TLE3: variants seen among roughly 807,000 people sequenced by gnomAD.
TLE3 encodes transducin-like enhancer protein 3.
In TLE3, 14 loss-of-function variants were observed where a neutral mutation model predicts 93.0. The ratio of observed to expected loss-of-function variants is 0.15; its 90% CI spans 0.10 to 0.24. The LOEUF is 0.24. Among genes scored for constraint, TLE3 ranks in the 10% least tolerant of loss-of-function variants. The pLI, the probability that TLE3 is intolerant of heterozygous loss-of-function variation, is 1.00. For missense variants in TLE3, 693 were observed against 1,046.6 expected, an observed-to-expected ratio of 0.66 and a Z score of 4.66; for synonymous variants, 451 against 425.0, an observed-to-expected ratio of 1.06 and a Z score of -0.75.
intron 8 of TLE3, among the ~76,000 whole-genome samples, chr15:70,062,948 A>T: frequency 6.6e-6 from 1 of 152,148 alleles, no homozygotes; most frequent in Non-Finnish European, 1.5e-5. Context: ...GGGGTCTTTT[A>T]GCAGAAAACT....
chr15:70,088,916 A>G lies in TLE3; in HGVS notation c.234+5616T>C, dbSNP rs548738061. 4.7e-4 allele frequency among the ~76,000 whole-genome samples: 66 copies of G among 141,230 alleles called. No individual in the cohort carries two copies. In the East Asian group the frequency reaches 0.015, roughly 32 times the overall value. 92.7% of individuals were successfully genotyped at this position (141,230 alleles called of 152,430 possible). On this transcript the variant is annotated intron_variant, in intron 4 of 19. Transcript: ENST00000451782. ...CCCCCACCCCGCGGCAGATGGACTC[A>G]GGCCAGCCCTGGAGAGCCAGCCATG... is the stretch of plus-strand genomic sequence containing the variant.
At chr15:70,070,133 C>A (rs758276319) in intron 6 of TLE3, among the ~76,000 whole-genome samples, 3 of 152,200 alleles carry the variant, frequency 2.0e-5, no homozygotes, top group Non-Finnish European at 4.4e-5. Context: ...CCCAAAGAGG[C>A]GCTAGGAGCC....
intron 12 of TLE3, chr15:70,057,927 C>G: frequency 1.3e-6 from 1 of 759,562 alleles, no homozygotes; most frequent in Non-Finnish European, 2.1e-6. Flanking sequence ...GGGGTGGGAA[C>G]AGATTTTGGG....
intron 4 of TLE3, 94 bp downstream of exon 4, chr15:70,094,438 G>A (rs928211812): frequency 2.1e-6 from 2 of 962,460 alleles, no homozygotes; most frequent in East Asian, 2.6e-5. Context: ...AATCGAAGAA[G>A]CAGGCTCACT....
At chr15:70,088,891 C>T (rs2058163445) in intron 4 of TLE3, among the ~76,000 whole-genome samples, 1 of 151,854 alleles carries the variant, frequency 6.6e-6, no homozygotes, top group African/African-American at 2.4e-5. Flanking sequence ...CCCGCCCCCA[C>T]CCCCACCCCG....
intron 3 of TLE3, chr15:70,095,345 C>T (rs1481718538): frequency 1.3e-5 from 19 of 1,427,210 alleles, no homozygotes; most frequent in East Asian, 2.6e-5. Context: ...CAGAAGTCTC[C>T]GGCCTGGAAT....
At chr15:70,074,201 C>A (rs1250514210) in intron 6 of TLE3, among the ~76,000 whole-genome samples, 1 of 152,238 alleles carries the variant, frequency 6.6e-6, no homozygotes, top group African/African-American at 2.4e-5. Context: ...CAGGTACTGG[C>A]CAGCTGGCCT....
chr15:70,061,923 G>A (rs1407557480), intron 8 of TLE3, among the ~76,000 whole-genome samples: 1 of 152,224 alleles, frequency 6.6e-6, no homozygotes, highest in Non-Finnish European at 1.5e-5. Context: ...CAGAAGAGAA[G>A]AGCATCAGAA....
chr15:70,096,044 G>A, intron 2 of TLE3, 117 bp downstream of exon 2: 2 of 1,200,324 alleles, frequency 1.7e-6, no homozygotes, highest in South Asian at 3.0e-5. Flanking sequence ...GCGGAGGCCC[G>A]GGCTGCCCCG....
chr15:70,051,576 C>T (rs142808712), intron 18 of TLE3, 109 bp from the exon 19 acceptor site: 1 of 721,150 alleles, frequency 1.4e-6, no homozygotes, highest in East Asian at 5.0e-5. Context: ...GAACTGCTAA[C>T]TAGTATAACT....
At chr15:70,053,475 C>A in intron 16 of TLE3, 101 bp from the exon 17 acceptor site, 3 of 1,378,116 alleles carry the variant, frequency 2.2e-6, no homozygotes, top group Non-Finnish European at 2.9e-6. Flanking sequence ...AAACTGAGGC[C>A]CAGAAGAGTG....
chr15:70,056,259 C>T (rs552486017), intron 14 of TLE3, 39 bp downstream of exon 14: 6 of 1,604,826 alleles, frequency 3.7e-6, no homozygotes, highest in Non-Finnish European at 5.1e-6. Context: ...CTCTCCTGCC[C>T]ACCCTACAAA....
chr15:70,097,064 G>A lies in TLE3; in HGVS notation c.-266C>T, dbSNP rs1389323445. 10 of 495,072 alleles carry A rather than the reference G, an allele frequency of 2.0e-5. No individual in the cohort carries two copies. The African/African-American group carries it at 2.1e-4, about 10-fold the overall frequency. The allele number at this position is 495,072 out of a possible 1,614,324, so 30.7% of individuals were successfully genotyped here. On this transcript the variant is annotated 5_prime_UTR_variant, in exon 1 of 20. Transcript: ENST00000451782. ...CGCGGGCTTTGTGCGCCTAGGGCTC[G>A]GCGGGCAGCGGCCGGCCGCCTTCCC...
chr15:70,077,113 TAGAA>T (rs1246678959), intron 4 of TLE3, among the ~76,000 whole-genome samples: 1 of 152,202 alleles, frequency 6.6e-6, no homozygotes. Context: ...AAGTCAATCT[TAGAA>T]AGGTAGATCA....
chr15:70,055,646 C>T lies in TLE3; in HGVS notation c.1329-348G>A, dbSNP rs543061830. On this transcript the variant is annotated intron_variant, in intron 14 of 19. Transcript: ENST00000451782. ...GAAATGCCACCTCTTGCTTTAGGAGCCGGTGGTATTAGGGAAGGGATCTGC... is the reference window on the plus strand; with the variant it reads ...GAAATGCCACCTCTTGCTTTAGGAGTCGGTGGTATTAGGGAAGGGATCTGC... 4 of 247,252 alleles carry T rather than the reference C, an allele frequency of 1.6e-5. No homozygotes were observed. In the South Asian group the frequency reaches 4.8e-4, roughly 30 times the overall value. The allele number at this position is 247,252 out of a possible 1,614,324, so 15.3% of individuals were successfully genotyped here.
intron 4 of TLE3, among the ~76,000 whole-genome samples, chr15:70,090,489 T>C (rs1334346186): frequency 6.6e-6 from 1 of 152,158 alleles, no homozygotes; most frequent in African/African-American, 2.4e-5. Flanking sequence ...TGTAACCTCA[T>C]TGCCTGGTAG....
In TLE3 at chr15:70,050,105, T is replaced by C. The variant is rs762068057; in HGVS notation, c.2302A>G (p.Ile768Val). 10 of 1,613,520 alleles carry C rather than the reference T, an allele frequency of 6.2e-6. No individual in the cohort carries two copies. The highest frequency in any genetic ancestry group is 3.3e-5 in the Admixed American group (2 of 60,012). The change falls in exon 20 of 20, where the codon ATC becomes GTC. Residue 768 changes from isoleucine to valine, a missense_variant. Around this residue, in one of 4 missense-constraint regions of TLE3, gnomAD observed 153 missense variants for 379.9 expected, o/e 0.40. Transcript: ENST00000451782. ...GDKKATVYEV[I>V]Y ...CCTGCTGGAGTTCTTGTTTAGTAGA[T>C]GACCTCATAAACTGTGGCCTTCTTG... is the stretch of plus-strand genomic sequence containing the variant.
intron 14 of TLE3, chr15:70,055,951 C>A (rs2055982341): frequency 4.9e-6 from 2 of 409,140 alleles, no homozygotes; most frequent in Non-Finnish European, 9.1e-6. Flanking sequence ...GGCACTGGGG[C>A]CTTCCCAGCA....
chr15:70,085,858 A>G (rs1244547616), intron 4 of TLE3, among the ~76,000 whole-genome samples: 1 of 152,252 alleles, frequency 6.6e-6, no homozygotes, highest in Non-Finnish European at 1.5e-5. Context: ...TGTACCATCA[A>G]TCTCAATTCT....
Sources: allele counts gnomAD v4.1 joint callset (sites outside exome capture counted in the v4.1 genomes callset), GRCh38; gene constraint gnomAD v4.1.1; regional missense constraint gnomAD v4.1.1; transcripts MANE v1.5; gene names NCBI Gene and HGNC (gene_info 2026-07-23, HGNC 2026-07-21).